Variants in LINGO2 observed in about 807,000 individuals in gnomAD.
The protein encoded by LINGO2 is leucine rich repeat and Ig domain containing 2.
A neutral mutation model predicts 30.6 loss-of-function variants in LINGO2; 14 were observed. The ratio of observed to expected loss-of-function variants is 0.46; its 90% CI spans 0.30 to 0.72. The LOEUF (loss-of-function observed/expected upper bound fraction) is 0.72. Ranked by LOEUF, LINGO2 falls within the 30% of genes least tolerant of loss-of-function variation. The probability of loss-of-function intolerance (pLI) is 0.07; values close to 1 mark genes in which losing one functional copy is unlikely to be tolerated. For missense variants in LINGO2, 729 were observed against 751.7 expected (o/e 0.97, Z 0.35); for synonymous variants, 317 against 288.5 (o/e 1.10, Z -1.00).
intron 1 of LINGO2, among the ~76,000 whole-genome samples, chr9:28,558,472 C>G (rs956919917): frequency 2.0e-5 from 3 of 152,020 alleles, no homozygotes; most frequent in Admixed American, 2.0e-4. Flanking sequence ...GCCAGAGAAC[C>G]TGTTTTATCC....
chr9:27,957,766 A>T (rs116383921), intron 5 of LINGO2, among the ~76,000 whole-genome samples: 2,903 of 152,304 alleles, frequency 0.019, 83 homozygotes, highest in African/African-American at 0.065. Flanking sequence ...TTGACAAAAA[A>T]TGTGTTGATT....
chr9:28,448,356 A>T (rs939780703), intron 2 of LINGO2, among the ~76,000 whole-genome samples: 15 of 152,108 alleles, frequency 9.9e-5, no homozygotes, highest in African/African-American at 3.6e-4. Flanking sequence ...CTGCTATAAG[A>T]CAATTTTAGA....
chr9:28,430,109 C>CGTGT (rs55989705), intron 2 of LINGO2, among the ~76,000 whole-genome samples: 7,878 of 136,112 alleles, frequency 0.058, 219 homozygotes, highest in African/African-American at 0.073. Flanking sequence ...CGCGCGCGCG[C>CGTGT]GTGTGTGTGT....
At chr9:28,355,715 C>G (rs1296103027) in intron 3 of LINGO2, among the ~76,000 whole-genome samples, 2 of 152,072 alleles carry the variant, frequency 1.3e-5, no homozygotes, top group African/African-American at 2.4e-5. Context: ...AGGATCGAAA[C>G]CCTAGGCTAA....
chr9:28,829,258 C>A, the LINGO2 span, among the ~76,000 whole-genome samples: 6 of 152,286 alleles, frequency 3.9e-5, no homozygotes, highest in East Asian at 1.2e-3. Context: ...CCTTTCCAGG[C>A]CCCCTTCCCG....
chr9:29,083,487 T>G, the LINGO2 span, among the ~76,000 whole-genome samples: 1 of 151,876 alleles, frequency 6.6e-6, no homozygotes, highest in Non-Finnish European at 1.5e-5. Flanking sequence ...ATTTAAATGA[T>G]GAGTTAATGG....
At chr9:28,914,040 ACT>A in the LINGO2 span, among the ~76,000 whole-genome samples, 1 of 152,104 alleles carries the variant, frequency 6.6e-6, no homozygotes, top group Non-Finnish European at 1.5e-5. Flanking sequence ...AATTTATGCC[ACT>A]CTCACTTTCC....
At chr9:28,767,266 G>C in the LINGO2 span, among the ~76,000 whole-genome samples, 1 of 152,146 alleles carries the variant, frequency 6.6e-6, no homozygotes, top group South Asian at 2.1e-4. Context: ...AAAAAGGTAT[G>C]AGGAGATGAA....
intron 2 of LINGO2, among the ~76,000 whole-genome samples, chr9:28,384,192 C>G (rs1821477646): frequency 6.6e-6 from 1 of 151,124 alleles, no homozygotes. Flanking sequence ...GCAAACCTGC[C>G]ACTCAAAACA....
At chr9:29,014,660 T>C in the LINGO2 span, among the ~76,000 whole-genome samples, 5 of 152,190 alleles carry the variant, frequency 3.3e-5, no homozygotes, top group Admixed American at 3.3e-4. Flanking sequence ...ATGCTATTAT[T>C]TGTGTGATTT....
chr9:28,785,043 C>A, the LINGO2 span, among the ~76,000 whole-genome samples: 13 of 151,618 alleles, frequency 8.6e-5, no homozygotes, highest in South Asian at 2.7e-3. Context: ...GATTGTTCTA[C>A]ATACATGATA....
chr9:28,506,020 G>T (rs1283137695), intron 1 of LINGO2, among the ~76,000 whole-genome samples: 1 of 151,722 alleles, frequency 6.6e-6, no homozygotes, highest in Admixed American at 6.6e-5. Flanking sequence ...TAGTTGTACT[G>T]ACCCGTGGAA....
At chr9:28,924,463 C>T in the LINGO2 span, among the ~76,000 whole-genome samples, 23 of 152,102 alleles carry the variant, frequency 1.5e-4, no homozygotes, top group African/African-American at 5.1e-4. Context: ...TCAGGCAATC[C>T]GCCAGCCTCA....
chr9:29,018,856 G>A, the LINGO2 span, among the ~76,000 whole-genome samples: 106,576 of 152,026 alleles, frequency 0.7, 38,161 homozygotes, highest in Non-Finnish European at 0.76. Context: ...TCTAGTCAAC[G>A]GAAAACTCAA....
intron 5 of LINGO2, among the ~76,000 whole-genome samples, chr9:28,000,629 A>G (rs1306893231): frequency 6.6e-6 from 1 of 152,236 alleles, no homozygotes; most frequent in Non-Finnish European, 1.5e-5. Context: ...ACATTTATTG[A>G]GCAGTATCTG....
At chr9:28,424,710 T>C (rs1823334427) in intron 2 of LINGO2, among the ~76,000 whole-genome samples, 1 of 152,146 alleles carries the variant, frequency 6.6e-6, no homozygotes, top group East Asian at 1.9e-4. Context: ...GATCCAGTAT[T>C]CCAGTTATTA....
intron 4 of LINGO2, among the ~76,000 whole-genome samples, chr9:28,058,252 G>C (rs539801960): frequency 1.3e-5 from 2 of 152,086 alleles, no homozygotes; most frequent in Admixed American, 6.6e-5. Flanking sequence ...CAGTGGTGGA[G>C]TACAATACAA....
chr9:27,941,775 C>T, the LINGO2 span: 1 of 152,206 alleles, frequency 6.6e-6, no homozygotes, highest in African/African-American at 2.4e-5. Context: ...ATTTTCAATT[C>T]ATTTCCTCTT....
chr9:28,799,788 A>G, the LINGO2 span, among the ~76,000 whole-genome samples: 1 of 152,162 alleles, frequency 6.6e-6, no homozygotes, highest in Non-Finnish European at 1.5e-5. Flanking sequence ...TGCCATAAGC[A>G]TTAGCAATTA....
Sources: allele counts gnomAD v4.1 joint callset (sites outside exome capture counted in the v4.1 genomes callset), GRCh38; gene constraint gnomAD v4.1.1; transcripts MANE v1.5; gene names NCBI Gene and HGNC (gene_info 2026-07-23, HGNC 2026-07-21).